The following PLSCR5 variants were observed in gnomAD, a reference collection of about 807,000 sequenced individuals.
The protein encoded by PLSCR5 is phospholipid scramblase family, member 5.
A neutral mutation model predicts 33.6 loss-of-function variants in PLSCR5; 44 were observed. The ratio of observed to expected loss-of-function variants is 1.31; its 90% CI spans 1.03 to 1.69. The LOEUF (loss-of-function observed/expected upper bound fraction) is 1.69. Ranked by LOEUF, PLSCR5 falls within the 40% of genes most tolerant of loss-of-function variation. The pLI, the probability that PLSCR5 is intolerant of heterozygous loss-of-function variation, is 0.00. For missense variants in PLSCR5, 375 were observed against 318.7 expected (o/e 1.18, Z -1.34); for synonymous variants, 148 against 112.3 (o/e 1.32, Z -2.01).
intron 6 of PLSCR5, among the ~76,000 whole-genome samples, chr3:146,588,002 T>G (rs1012546799): frequency 3.9e-5 from 6 of 152,006 alleles, no homozygotes; most frequent in Non-Finnish European, 8.8e-5. Context: ...AATAGGGCAT[T>G]AATGTAAACA....
At chr3:146,586,178 A>T in intron 6 of PLSCR5, 66 bp from the exon 7 acceptor site, 1 of 1,356,702 alleles carries the variant, frequency 7.4e-7, no homozygotes, top group Non-Finnish European at 9.7e-7. Flanking sequence ...CAAAAGTTTG[A>T]CATGCAAGCT....
chr3:146,585,529 A>G (rs1461939129), downstream of PLSCR5, among the ~76,000 whole-genome samples: 1 of 152,116 alleles, frequency 6.6e-6, no homozygotes, highest in African/African-American at 2.4e-5. Flanking sequence ...TTTCCAGTGT[A>G]AAGTAATAAT....
chr3:146,605,148 T>TA, intron 1 of PLSCR5, 52 bp downstream of exon 1: 1 of 1,542,476 alleles, frequency 6.5e-7, no homozygotes, highest in Non-Finnish European at 8.9e-7. Context: ...CAATTGTATA[T>TA]TTTTAGTCTT....
intron 4 of PLSCR5, among the ~76,000 whole-genome samples, chr3:146,593,075 C>T (rs2044728853): frequency 6.6e-6 from 1 of 152,104 alleles, no homozygotes. Context: ...TTTCCCATCA[C>T]CCTAAGGCCA....
In PLSCR5 at chr3:146,591,787, T is replaced by G; in HGVS notation, c.548A>C (p.Lys183Thr). ...LPKFTIQNAN[K>T]EDILKIVGPC... ...ACCAACAATTTTCAAAATATCTTCT[T>G]TGTTTGCATTTTGGATTGTGAATTT... Residue 183 changes from lysine to threonine, a missense_variant, in exon 5 of 8, where the codon AAA (lysine) becomes ACA (threonine). By Grantham distance (78) the Lys-to-Thr change is moderately conservative. Coordinates refer to ENST00000443512, the MANE Select transcript of PLSCR5 (RefSeq NM_001085420.2). 6.2e-7 allele frequency: 1 copy of G among 1,612,234 alleles called. No individual in the cohort carries two copies. Among genetic ancestry groups the G allele is most frequent in the Admixed American group, 1.7e-5 (1 of 59,830 alleles).
chr3:146,596,996 A>T (rs912024257), intron 2 of PLSCR5, among the ~76,000 whole-genome samples: 20 of 152,240 alleles, frequency 1.3e-4, no homozygotes, highest in African/African-American at 4.8e-4. Context: ...TCTGAGGAAA[A>T]CGGAGTGGTA....
chr3:146,577,362 A>G (rs1460404127), intron 7 of PLSCR5, among the ~76,000 whole-genome samples: 2 of 152,102 alleles, frequency 1.3e-5, no homozygotes, highest in African/African-American at 4.8e-5. Flanking sequence ...TTTGGCCTAT[A>G]CATTTCCTCT....
chr3:146,584,869 T>C (rs1458315847), downstream of PLSCR5, among the ~76,000 whole-genome samples: 2 of 152,178 alleles, frequency 1.3e-5, no homozygotes, highest in Admixed American at 6.5e-5. Flanking sequence ...TAGTAACAGA[T>C]GTTTAGCATA....
intron 2 of PLSCR5, among the ~76,000 whole-genome samples, chr3:146,599,107 A>G (rs1010663983): frequency 6.6e-6 from 1 of 152,192 alleles, no homozygotes; most frequent in Non-Finnish European, 1.5e-5. Context: ...AATCCTTTTT[A>G]GGATAAAATA....
chr3:146,589,105 A>C (rs2044688299), intron 6 of PLSCR5, among the ~76,000 whole-genome samples: 1 of 152,204 alleles, frequency 6.6e-6, no homozygotes, highest in Non-Finnish European at 1.5e-5. Flanking sequence ...CATATACCAA[A>C]GAAGAAAAGG....
At chr3:146,583,140 C>A (rs1213607669), downstream of PLSCR5, among the ~76,000 whole-genome samples, 1 of 152,146 alleles carries the variant, frequency 6.6e-6, no homozygotes, top group East Asian at 1.9e-4. Context: ...CCTTCTCTGA[C>A]CAAGTCAAAT....
chr3:146,594,581 G>C (rs2107854649), intron 3 of PLSCR5, among the ~76,000 whole-genome samples: 1 of 151,966 alleles, frequency 6.6e-6, no homozygotes, highest in South Asian at 2.1e-4. Flanking sequence ...ATATATTTAG[G>C]CATAATATAG....
chr3:146,585,915 G>T lies in PLSCR5; in HGVS notation c.*72C>A, dbSNP rs2044662284. The T allele has an allele frequency of 1.0e-5, 7 of 696,712 alleles. No homozygotes were observed. The highest frequency in any genetic ancestry group is 1.9e-5 in the African/African-American group (1 of 52,074). The allele number at this position is 696,712 out of a possible 1,614,324, so 43.2% of individuals were successfully genotyped here. A position where few individuals can be genotyped will look rare whatever the true frequency, so the allele number is the denominator to read the frequency against. ...AAAAAGCAAACATTCAAACCATTCA[G>T]AAATGAAATCCAGAGCCCAAGGGAT... is the stretch of plus-strand genomic sequence containing the variant. On this transcript the variant is annotated 3_prime_UTR_variant, in exon 8 of 8. Transcript: ENST00000443512.
In PLSCR5 at chr3:146,595,029, T is replaced by C. The variant is rs1576821634; in HGVS notation, c.232+12A>G. The C allele has an allele frequency of 7.1e-7, 1 of 1,402,558 alleles. No individual in the cohort carries two copies. Among genetic ancestry groups the C allele is most frequent in the Non-Finnish European group, 9.5e-7 (1 of 1,054,590 alleles). 86.9% of individuals were successfully genotyped at this position (1,402,558 alleles called of 1,614,324 possible). ...AGTTTTAATAAATATGTAATATATATAATGCACTTACTTCCAAGCAGCTCC... is the reference window on the plus strand; with the variant it reads ...AGTTTTAATAAATATGTAATATATACAATGCACTTACTTCCAAGCAGCTCC... On this transcript the variant is annotated intron_variant, in intron 3 of 7. Coordinates refer to ENST00000443512, the MANE Select transcript of PLSCR5 (RefSeq NM_001085420.2).
chr3:146,604,181 A>G (rs1426112742), intron 1 of PLSCR5, among the ~76,000 whole-genome samples: 2 of 152,104 alleles, frequency 1.3e-5, no homozygotes, highest in African/African-American at 4.8e-5. Flanking sequence ...TCTTCATGCT[A>G]AAACTTTTCA....
chr3:146,582,459 C>T (rs928067631), downstream of PLSCR5, among the ~76,000 whole-genome samples: 3 of 152,090 alleles, frequency 2.0e-5, no homozygotes, highest in Non-Finnish European at 2.9e-5. Flanking sequence ...AAATTAGATG[C>T]CCAGCCCTCA....
chr3:146,592,045 A>G (rs80003834), intron 4 of PLSCR5, among the ~76,000 whole-genome samples, 164 bp from the exon 5 acceptor site: 8,468 of 152,154 alleles, frequency 0.056, 234 homozygotes, highest in African/African-American at 0.061. Flanking sequence ...TTTATAAAAT[A>G]TTTTACAGAA....
intron 4 of PLSCR5, 51 bp from the exon 5 acceptor site, chr3:146,591,932 T>G: frequency 7.1e-7 from 1 of 1,406,980 alleles, no homozygotes; most frequent in South Asian, 1.4e-5. Flanking sequence ...TATCATATTT[T>G]AATTTTACTA....
Position 146,595,088 on chromosome 3 carries a change from A to G in PLSCR5, c.190-5T>C, listed in dbSNP as rs779062570. 3 of 1,407,208 alleles carry G rather than the reference A, an allele frequency of 2.1e-6. No individual in the cohort carries two copies. The highest frequency in any genetic ancestry group is 3.8e-4 in the Middle Eastern group (2 of 5,254). The allele number at this position is 1,407,208 out of a possible 1,614,324, so 87.2% of individuals were successfully genotyped here. ...GTGTATAATTATCAGGTCTAACTGT[A>G]AAGGATGACATAAAAGGAAATAAAA... On this transcript the variant is annotated splice_region_variant and splice_polypyrimidine_tract_variant and intron_variant, in intron 2 of 7. Transcript: ENST00000443512.
Sources: gnomAD v4.1 joint callset for allele counts (sites outside exome capture counted in the v4.1 genomes callset) on GRCh38, gnomAD v4.1.1 for gene constraint, MANE v1.5 for transcripts, NCBI Gene and HGNC (gene_info 2026-07-23, HGNC 2026-07-21) for gene names.